The following PPP1R3A variants were observed in gnomAD, a reference collection of about 807,000 sequenced individuals.
PPP1R3A encodes protein phosphatase 1 regulatory subunit 3A.
A neutral mutation model predicts 41.7 loss-of-function variants in PPP1R3A; 29 were observed. The ratio of observed to expected loss-of-function variants is 0.70; its 90% CI spans 0.52 to 0.95. The LOEUF (loss-of-function observed/expected upper bound fraction) is 0.95, where lower values mean the gene tolerates loss of function less well. PPP1R3A is among the 40% of genes least tolerant of loss of function. The pLI is 0.00. For synonymous variants in PPP1R3A, 485 were observed against 453.4 expected, an observed-to-expected ratio of 1.07 and a Z score of -0.89; for missense variants, 1,352 against 1,292.4, an observed-to-expected ratio of 1.05 and a Z score of -0.71.
chr7:113,887,941 T>C (rs982677693), intron 1 of PPP1R3A, among the ~76,000 whole-genome samples: 4 of 151,586 alleles, frequency 2.6e-5, no homozygotes, highest in African/African-American at 9.7e-5. Flanking sequence ...TGAGGCAGAA[T>C]AGCTTGAGCC....
chr7:113,916,557 C>T (rs1335009563), intron 1 of PPP1R3A, among the ~76,000 whole-genome samples: 1 of 152,018 alleles, frequency 6.6e-6, no homozygotes, highest in African/African-American at 2.4e-5. Flanking sequence ...TTTAAAACTG[C>T]ATTAAATTGC....
intron 1 of PPP1R3A, among the ~76,000 whole-genome samples, chr7:113,909,366 T>A (rs1227886712): frequency 6.6e-6 from 1 of 151,876 alleles, no homozygotes; most frequent in Non-Finnish European, 1.5e-5. Flanking sequence ...GAAGTACTTT[T>A]AACTTTCTAA....
intron 1 of PPP1R3A, among the ~76,000 whole-genome samples, chr7:113,887,958 G>A (rs1048512302): frequency 1.3e-5 from 2 of 152,106 alleles, no homozygotes; most frequent in Non-Finnish European, 2.9e-5. Flanking sequence ...AGCCTGGGAG[G>A]AGGAGGTTGC....
rs1417419549 is a variant in PPP1R3A, at chr7:113,896,424, AC to A, written c.783-14105del. Among the ~76,000 whole-genome samples, 14 of 151,888 alleles carry A rather than the reference AC, an allele frequency of 9.2e-5. 1 individual carries two copies. The highest frequency in any genetic ancestry group is 9.2e-4 in the Admixed American group (14 of 15,200). ...TTTTACTTAAAGCTAGTTTATACAT[AC>A]AAACCACTTGCTTGCACCGTTTTGA... On this transcript the variant is annotated intron_variant, in intron 1 of 3. Transcript: ENST00000284601.
intron 1 of PPP1R3A, among the ~76,000 whole-genome samples, chr7:113,883,028 C>A (rs1234838195): frequency 6.6e-6 from 1 of 151,930 alleles, no homozygotes; most frequent in African/African-American, 2.4e-5. Flanking sequence ...TTCTAGCATA[C>A]CCTGCATACT....
chr7:113,903,616 G>A (rs946871253), intron 1 of PPP1R3A, among the ~76,000 whole-genome samples: 6 of 151,646 alleles, frequency 4.0e-5, no homozygotes, highest in Non-Finnish European at 8.9e-5. Flanking sequence ...TACTCAATAC[G>A]ATTACATTCA....
intron 1 of PPP1R3A, among the ~76,000 whole-genome samples, chr7:113,905,562 A>G (rs1018629523): frequency 6.6e-6 from 1 of 151,858 alleles, no homozygotes; most frequent in Non-Finnish European, 1.5e-5. Context: ...ACCATTTTAA[A>G]ATACCTTTTA....
chr7:113,903,071 C>T (rs1239530536), intron 1 of PPP1R3A, among the ~76,000 whole-genome samples: 1 of 151,708 alleles, frequency 6.6e-6, no homozygotes, highest in Non-Finnish European at 1.5e-5. Context: ...TCCCTACCCT[C>T]TTAACCTGGA....
At chr7:113,908,189 CA>C (rs1158476956) in intron 1 of PPP1R3A, among the ~76,000 whole-genome samples, 5 of 151,766 alleles carry the variant, frequency 3.3e-5, no homozygotes, top group Non-Finnish European at 5.9e-5. Flanking sequence ...CTCAGTTTAC[CA>C]AAGTTAACTT....
intron 3 of PPP1R3A, 21 bp downstream of exon 3, chr7:113,882,018 C>A: frequency 1.2e-6 from 2 of 1,611,304 alleles, no homozygotes; most frequent in South Asian, 2.2e-5. Context: ...TCTCTAATAC[C>A]GTGGCAACCA....
chr7:113,899,697 A>T (rs1562923373), intron 1 of PPP1R3A, among the ~76,000 whole-genome samples: 1 of 151,814 alleles, frequency 6.6e-6, no homozygotes, highest in Non-Finnish European at 1.5e-5. Context: ...GAGACCTTTT[A>T]AAAATACCAA....
chr7:113,907,561 A>G (rs528247885), intron 1 of PPP1R3A, among the ~76,000 whole-genome samples: 6 of 151,812 alleles, frequency 4.0e-5, no homozygotes, highest in African/African-American at 1.4e-4. Flanking sequence ...CACCCTGCCT[A>G]TATTATGGCC....
chr7:113,906,830 C>T (rs182660328), intron 1 of PPP1R3A, among the ~76,000 whole-genome samples: 3 of 151,754 alleles, frequency 2.0e-5, no homozygotes, highest in East Asian at 1.9e-4. Context: ...AAAGGTCACA[C>T]GTACAAGTTC....
rs140172475 is a variant in PPP1R3A at position 113,878,559 on chromosome 7, C to T, written c.2533G>A (p.Val845Met). 6.2e-7 allele frequency: 1 copy of T among 1,613,626 alleles called. No individual in the cohort carries two copies. Among genetic ancestry groups the T allele is most frequent in the African/African-American group, 1.3e-5 (1 of 75,004 alleles). Residue 845 changes from valine to methionine, a missense_variant, in exon 4 of 4, where the codon GTG (valine) becomes ATG (methionine). Val to Met is a conservative substitution (Grantham distance 21, BLOSUM62 1). Coordinates refer to ENST00000284601, the MANE Select transcript of PPP1R3A (RefSeq NM_002711.4). The part of the protein sequence containing the change: ...EKCGTGNITS[V>M]EESSWVITEY... Reference sequence around the variant, plus strand: ...GTAATGACCCATGAGGATTCTTCCACAGATGTTATATTTCCAGTGCCACAT... The same window carrying T: ...GTAATGACCCATGAGGATTCTTCCATAGATGTTATATTTCCAGTGCCACAT...
At chr7:113,883,551 T>C (rs534918514) in intron 1 of PPP1R3A, among the ~76,000 whole-genome samples, 1 of 152,092 alleles carries the variant, frequency 6.6e-6, no homozygotes, top group African/African-American at 2.4e-5. Context: ...ATAAATATAA[T>C]TTTATTAGAA....
chr7:113,903,884 T>C (rs1584417860), intron 1 of PPP1R3A, among the ~76,000 whole-genome samples: 3 of 151,720 alleles, frequency 2.0e-5, no homozygotes, highest in Admixed American at 1.3e-4. Context: ...TTCATCTCCA[T>C]AAGTATATTT....
Position 113,878,390 on chromosome 7 carries a change from G to A in PPP1R3A, c.2702C>T (p.Ala901Val), listed in dbSNP as rs267601237. 1.2e-6 allele frequency: 2 copies of A among 1,611,810 alleles called. No individual in the cohort carries two copies. Among genetic ancestry groups the A allele is most frequent in the Non-Finnish European group, 1.7e-6 (2 of 1,179,608 alleles). The stretch of plus-strand genomic sequence containing the variant: ...AGCTCTATTAGTGTCTGAGTTAAAA[G>A]CAGAATGCACAATGGCATCCGAGTC... ...KTDSDAIVHSAFNSDTNRAPQ... is the reference protein window; with the variant it reads ...KTDSDAIVHSVFNSDTNRAPQ... The change falls in exon 4 of 4, where the codon GCT becomes GTT. Residue 901 changes from alanine (A) to valine (V), a missense_variant. Ala to Val is a moderately conservative substitution (Grantham distance 64). Transcript: ENST00000284601.
intron 1 of PPP1R3A, among the ~76,000 whole-genome samples, chr7:113,915,065 C>A (rs936784277): frequency 6.6e-6 from 1 of 151,990 alleles, no homozygotes; most frequent in Admixed American, 6.6e-5. Flanking sequence ...ATGATGCATG[C>A]CTTTCGGTGC....
intron 1 of PPP1R3A, among the ~76,000 whole-genome samples, chr7:113,908,541 T>G (rs1797184190): frequency 6.6e-6 from 1 of 151,914 alleles, no homozygotes; most frequent in Non-Finnish European, 1.5e-5. Context: ...GTCAAGAAAT[T>G]TAGTATATAT....
Sources: allele counts gnomAD v4.1 joint callset (sites outside exome capture counted in the v4.1 genomes callset), GRCh38; gene constraint gnomAD v4.1.1; transcripts MANE v1.5; gene names NCBI Gene and HGNC (gene_info 2026-07-23, HGNC 2026-07-21).